The following CDCA3 variants were observed in gnomAD, a reference collection of about 807,000 sequenced individuals.
The protein encoded by CDCA3 is cell division cycle-associated protein 3.
CDCA3 carries 16 observed loss-of-function variants against 29.1 expected under a neutral mutation model. The observed-to-expected ratio is 0.55, with a 90% CI of 0.37 to 0.83. CDCA3 has a LOEUF of 0.83. Among genes scored for constraint, CDCA3 ranks in the 40% least tolerant of loss-of-function variants. The pLI is 0.00. For synonymous variants in CDCA3, 88 were observed against 124.5 expected (o/e 0.71, Z 1.95); for missense variants, 291 against 327.2 (o/e 0.89, Z 0.85).
downstream of CDCA3, chr12:6,845,700 G>A (rs5442): frequency 0.059 from 95,747 of 1,613,922 alleles, 3,298 homozygotes; most frequent in Non-Finnish European, 0.068. Context: ...CATCATCTGC[G>A]GCATCACGTC....
In CDCA3 at chr12:6,849,974, A is replaced by G; in HGVS notation, c.251-116T>C. 1 of 910,744 alleles carries G rather than the reference A, an allele frequency of 1.1e-6. No individual in the cohort carries two copies. The highest frequency in any genetic ancestry group is 1.6e-6 in the Non-Finnish European group (1 of 635,394). The allele number at this position is 910,744 out of a possible 1,614,324, so 56.4% of individuals were successfully genotyped here. On this transcript the variant is annotated intron_variant, in intron 3 of 5. Transcript: ENST00000538862. This position sits in a 1 kb window ranked among gnomAD's most constrained non-coding sequence, Gnocchi z 5.2. ...GGAGGGTGAGCAAGTGGGAAGAGAGAAATCAAGGAAATCAAGGTGAAAGGG... is the reference window on the plus strand; with the variant it reads ...GGAGGGTGAGCAAGTGGGAAGAGAGGAATCAAGGAAATCAAGGTGAAAGGG...
chr12:6,846,671 C>G (rs1475232870), downstream of CDCA3: 4 of 629,354 alleles, frequency 6.4e-6, no homozygotes, highest in African/African-American at 7.6e-5. Flanking sequence ...GCACACATAT[C>G]CCCCCACACA....
rs1565524971 is a variant in CDCA3 at position 6,850,464 on chromosome 12, T to C, written c.250+3A>G. 6.2e-7 allele frequency: 1 copy of C among 1,614,110 alleles called. No individual in the cohort carries two copies. The highest frequency in any genetic ancestry group is 8.5e-7 in the Non-Finnish European group (1 of 1,179,998). Reference sequence around the variant, plus strand: ...ATCAGCATTCCCTGGGCCCAACGCTTACCTCCACTGCTGGTCTTCATAGGT... The same window carrying C: ...ATCAGCATTCCCTGGGCCCAACGCTCACCTCCACTGCTGGTCTTCATAGGT... On this transcript the variant is annotated splice_donor_region_variant and intron_variant, in intron 3 of 5. Coordinates refer to ENST00000538862, the MANE Select transcript of CDCA3 (RefSeq NM_031299.7). This position sits in a 1 kb window ranked among gnomAD's most constrained non-coding sequence, Gnocchi z 4.7.
chr12:6,851,174 G>A, intron 1 of CDCA3, 48 bp downstream of exon 1: 2 of 1,368,608 alleles, frequency 1.5e-6, no homozygotes, highest in Admixed American at 3.5e-5. Context: ...CTCGTTCTGG[G>A]CCTGCTGAGC....
chr12:6,845,374 G>A (rs1943665407), downstream of CDCA3: 2 of 578,602 alleles, frequency 3.5e-6, no homozygotes, highest in South Asian at 2.1e-5. Context: ...CTGCAGCGCT[G>A]TATAGTGCAG....
At chr12:6,846,709 C>CACA (rs1555124802), downstream of CDCA3, 10 of 687,932 alleles carry the variant, frequency 1.5e-5, no homozygotes, top group East Asian at 5.8e-5. Context: ...ACCCACACAC[C>CACA]CACACATACA....
chr12:6,847,197 G>A (rs1034662210), downstream of CDCA3: 2 of 373,834 alleles, frequency 5.3e-6, no homozygotes, highest in Non-Finnish European at 1.0e-5. Context: ...GCAGACTTGA[G>A]TCTGAGGCCC....
chr12:6,845,810 C>T (rs1555124564), downstream of CDCA3: 1 of 1,596,148 alleles, frequency 6.3e-7, no homozygotes. Context: ...TGGGTAAGGG[C>T]CAGCCCTGGC....
rs1177234591 is a variant in CDCA3, at chr12:6,850,479, T to C, written c.238A>G (p.Thr80Ala). ...TLGIARTPMK[T>A]SSGDPPSPLV... is the part of the protein sequence containing the mutation. ...GCCCAACGCTTACCTCCACTGCTGG[T>C]CTTCATAGGTGTCCGTGCAATACCA... The change falls in exon 3 of 6, where the codon ACC (threonine) becomes GCC (alanine). Residue 80 changes from threonine (T) to alanine (A), a missense_variant. By Grantham distance (58) the Thr-to-Ala change is moderately conservative. Transcript: ENST00000538862. This position sits in a 1 kb window ranked among gnomAD's most constrained non-coding sequence, Gnocchi z 4.7. The C allele has an allele frequency of 1.2e-6, 2 of 1,613,956 alleles. No homozygotes were observed. The highest frequency in any genetic ancestry group is 4.5e-5 in the East Asian group (2 of 44,884).
chr12:6,850,191 T>C lies in CDCA3; in HGVS notation c.250+276A>G. 3.8e-6 allele frequency: 2 copies of C among 520,414 alleles called. No individual in the cohort carries two copies. Among genetic ancestry groups the C allele is most frequent in the East Asian group, 3.3e-5 (1 of 30,106 alleles). 32.2% of individuals were successfully genotyped at this position (520,414 alleles called of 1,614,324 possible). ...TGTGTGTGTGTGTGTTATGTGTGTG[T>C]ATTTTTTCTAGAGATGGGGTTTTGC... On this transcript the variant is annotated intron_variant, in intron 3 of 5. Coordinates refer to ENST00000538862, the MANE Select transcript of CDCA3 (RefSeq NM_031299.7). This position sits in a 1 kb window ranked among gnomAD's most constrained non-coding sequence, Gnocchi z 4.7.
At chr12:6,845,593 CCAATGGAGAGG>C (rs782383372), downstream of CDCA3, 36 of 1,609,668 alleles carry the variant, frequency 2.2e-5, no homozygotes, top group African/African-American at 2.7e-5. Flanking sequence ...CAGTTCTTCC[CCAATGGAGAGG>C]CCATCTGCAC....
chr12:6,846,794 A>G, downstream of CDCA3: 2 of 1,580,152 alleles, frequency 1.3e-6, no homozygotes, highest in South Asian at 2.3e-5. Flanking sequence ...TTCCTCAGGC[A>G]TCCTCTCTGG....
At chr12:6,845,721 TC>T, downstream of CDCA3, 1 of 1,614,062 alleles carries the variant, frequency 6.2e-7, no homozygotes, top group Admixed American at 1.7e-5. Flanking sequence ...CGTGGCCTTC[TC>T]CCTCAGTGGC....
chr12:6,846,020 G>A (rs1360412655), downstream of CDCA3: 3 of 561,272 alleles, frequency 5.3e-6, no homozygotes, highest in Non-Finnish European at 9.6e-6. Context: ...ACTGCCCAAT[G>A]CCATGACTGC....
In CDCA3 at chr12:6,850,810, T is replaced by G; in HGVS notation, c.120+23A>C. The G allele has an allele frequency of 6.2e-7, 1 of 1,611,814 alleles. No homozygotes were observed. Among genetic ancestry groups the G allele is most frequent in the Admixed American group, 1.7e-5 (1 of 59,744 alleles). On this transcript the variant is annotated intron_variant, in intron 2 of 5. Transcript: ENST00000538862. The surrounding 1 kb of genome is among the most constrained non-coding windows in gnomAD (Gnocchi z 4.7). ...CCCAAGAATTCAGACATTCTCTGCCTTTCCCACGCTGGCCCAGAGTACCTG... is the reference window on the plus strand; with the variant it reads ...CCCAAGAATTCAGACATTCTCTGCCGTTCCCACGCTGGCCCAGAGTACCTG...
downstream of CDCA3, chr12:6,847,060 A>C (rs1943720357): frequency 8.4e-6 from 5 of 593,676 alleles, no homozygotes; most frequent in Admixed American, 1.4e-4. Context: ...TTTGGGAGGC[A>C]GCATCAGGGA....
rs1555125529 is a variant in CDCA3, at chr12:6,849,107, C to T, written c.743G>A (p.Arg248Gln). Residue 248 changes from arginine (R) to glutamine (Q), a missense_variant, in exon 6 of 6, where the codon CGA becomes CAA. Physicochemically the swap from Arg to Gln is conservative, Grantham distance 43. Coordinates refer to ENST00000538862, the MANE Select transcript of CDCA3 (RefSeq NM_031299.7). This position sits in a 1 kb window ranked among gnomAD's most constrained non-coding sequence, Gnocchi z 5.2. ...GTGRLLKTGG[R>Q]AWEQGQDHDK... ...ATGGTCCTGGCCTTGCTCCCATGCT[C>T]GTCCTCCAGTTTTCAGAAGTCGTCC... The T allele has an allele frequency of 3.3e-6, 5 of 1,519,580 alleles. No individual in the cohort carries two copies. The highest frequency in any genetic ancestry group is 1.7e-5 in the Admixed American group (1 of 59,892). The allele number at this position is 1,519,580 out of a possible 1,614,324, so 94.1% of individuals were successfully genotyped here.
Position 6,850,161 on chromosome 12 carries a change from T to TTGTG in CDCA3, c.250+302_251-304dup, listed in dbSNP as rs3032790. The TTGTG allele has an allele frequency of 1.6e-3, 686 of 428,962 alleles. 1 individual carries two copies. Among genetic ancestry groups the TTGTG allele is most frequent in the South Asian group, 7.6e-3 (216 of 28,560 alleles). 26.6% of individuals were successfully genotyped at this position (428,962 alleles called of 1,614,324 possible). A position where few individuals can be genotyped will look rare whatever the true frequency, so the allele number is the denominator to read the frequency against. On this transcript the variant is annotated intron_variant, in intron 3 of 5. Transcript: ENST00000538862. The surrounding 1 kb of genome is among the most constrained non-coding windows in gnomAD (Gnocchi z 4.7). ...ATCACAGGCCCATGCCACCGTGCTT[T>TTGTG]TGTGTGTGTGTGTGTGTGTTATGTG...
chr12:6,850,505 A>C lies in CDCA3; in HGVS notation c.212T>G (p.Leu71Arg), dbSNP rs1214996993. The C allele has an allele frequency of 1.2e-6, 2 of 1,614,096 alleles. No individual in the cohort carries two copies. The highest frequency in any genetic ancestry group is 2.2e-5 in the East Asian group (1 of 44,884). ...AQDSDPRSPT[L>R]GIARTPMKTS... ...CTTCATAGGTGTCCGTGCAATACCA[A>C]GAGTAGGAGAGCGGGGATCTGAGTC... The change falls in exon 3 of 6, where the codon CTT becomes CGT. Residue 71 changes from leucine (L) to arginine (R), a missense_variant. Physicochemically the swap from Leu to Arg is moderately radical, Grantham distance 102. Coordinates refer to ENST00000538862, the MANE Select transcript of CDCA3 (RefSeq NM_031299.7). This position sits in a 1 kb window ranked among gnomAD's most constrained non-coding sequence, Gnocchi z 4.7.
Sources: gnomAD v4.1 joint callset for allele counts on GRCh38, gnomAD v4.1.1 for gene constraint, Gnocchi (gnomAD v3.1) non-coding constraint, MANE v1.5 for transcripts, NCBI Gene and HGNC (gene_info 2026-07-23, HGNC 2026-07-21) for gene names.